Variants in CREB3L1 observed in about 807,000 individuals in gnomAD.
The protein encoded by CREB3L1 is cyclic AMP-responsive element-binding protein 3-like protein 1.
CREB3L1 carries 33 observed loss-of-function variants against 54.5 expected under a neutral mutation model. That is an observed-to-expected ratio of 0.61 (90% CI 0.46 to 0.81). The LOEUF (loss-of-function observed/expected upper bound fraction) is 0.81. Among genes scored for constraint, CREB3L1 ranks in the 30% least tolerant of loss-of-function variants. The pLI is 0.00. For missense variants in CREB3L1, 656 were observed against 673.3 expected, an observed-to-expected ratio of 0.97 and a Z score of 0.29; for synonymous variants, 284 against 286.4, an observed-to-expected ratio of 0.99 and a Z score of 0.08.
chr11:46,316,615 G>A (rs1303146311), intron 9 of CREB3L1, among the ~76,000 whole-genome samples: 1 of 150,522 alleles, frequency 6.6e-6, no homozygotes, highest in African/African-American at 2.5e-5. Flanking sequence ...CAGTGTAGAT[G>A]TGTAGGTGAC....
intron 10 of CREB3L1, among the ~76,000 whole-genome samples, chr11:46,320,005 C>T (rs1939623058): frequency 6.6e-6 from 1 of 152,144 alleles, no homozygotes; most frequent in Non-Finnish European, 1.5e-5. Context: ...AACACAGTTT[C>T]AATCACTTCC....
At position 46,311,196 on chromosome 11, in the gene CREB3L1, A is replaced by G; in HGVS notation, c.753+7A>G. 6.4e-7 allele frequency: 1 copy of G among 1,565,358 alleles called. No individual in the cohort carries two copies. Among genetic ancestry groups the G allele is most frequent in the Middle Eastern group, 1.7e-4 (1 of 5,910 alleles). ...ACTCCTCACTGCCCCTCACGTAAGGAGCTGGGGGTGGGCTGATCCCAGAAA... is the reference window on the plus strand; with the variant it reads ...ACTCCTCACTGCCCCTCACGTAAGGGGCTGGGGGTGGGCTGATCCCAGAAA... On this transcript the variant is annotated splice_region_variant and intron_variant, in intron 5 of 11. Transcript: ENST00000621158.
In CREB3L1 at chr11:46,311,107, C is replaced by G; in HGVS notation, c.671C>G (p.Ser224Cys). Residue 224 changes from serine to cysteine, a missense_variant, in exon 5 of 12, where the codon TCT (serine) becomes TGT (cysteine). Around this residue, in one of 3 missense-constraint regions of CREB3L1, gnomAD observed 339 missense variants for 331.5 expected, o/e 1.02. Transcript: ENST00000621158. ...AGCGACGGCTCCCAGAGTCCCCGCT[C>G]TCTGCCCCCCTCCAGCCCTGTCAGG... ...SDSDGSQSPRSLPPSSPVRPM... is the reference protein window; with the variant it reads ...SDSDGSQSPRCLPPSSPVRPM... The G allele has an allele frequency of 6.2e-7, 1 of 1,608,388 alleles. No homozygotes were observed. The highest frequency in any genetic ancestry group is 8.5e-7 in the Non-Finnish European group (1 of 1,179,220).
chr11:46,287,475 T>A (rs1289387338), intron 1 of CREB3L1, among the ~76,000 whole-genome samples: 1 of 151,994 alleles, frequency 6.6e-6, no homozygotes, highest in Non-Finnish European at 1.5e-5. Flanking sequence ...ATTTTTTGTA[T>A]TTTTTGTAAA....
chr11:46,296,078 C>T (rs1025196123), intron 1 of CREB3L1, among the ~76,000 whole-genome samples: 3 of 152,260 alleles, frequency 2.0e-5, no homozygotes, highest in Admixed American at 6.5e-5. Flanking sequence ...AGAACCCTGT[C>T]GCCCTCAGAG....
intron 10 of CREB3L1, 86 bp downstream of exon 10, chr11:46,317,573 G>C: frequency 6.5e-7 from 1 of 1,530,094 alleles, no homozygotes; most frequent in Non-Finnish European, 8.8e-7. Context: ...AGACATAAGA[G>C]AGAAGCCAAG....
intron 2 of CREB3L1, among the ~76,000 whole-genome samples, chr11:46,305,492 T>C (rs1482867534): frequency 6.6e-6 from 1 of 151,718 alleles, no homozygotes; most frequent in Non-Finnish European, 1.5e-5. Context: ...CTGGCCGATT[T>C]CAACACTTCC....
chr11:46,305,532 C>T (rs1182690544), intron 2 of CREB3L1, among the ~76,000 whole-genome samples: 2 of 151,324 alleles, frequency 1.3e-5, no homozygotes, highest in African/African-American at 4.9e-5. Flanking sequence ...ATCTTGCCTG[C>T]AGCCAGTCTA....
chr11:46,315,207 G>A (rs553854209), intron 8 of CREB3L1: 5 of 331,366 alleles, frequency 1.5e-5, no homozygotes, highest in South Asian at 1.4e-4. Context: ...TCTGTTCCCT[G>A]ATTGGCCTGG....
intron 1 of CREB3L1, among the ~76,000 whole-genome samples, chr11:46,294,729 C>T (rs1939178819): frequency 6.6e-6 from 1 of 152,128 alleles, no homozygotes; most frequent in Non-Finnish European, 1.5e-5. Context: ...TCTCACCACT[C>T]CCCGCCCCCT....
chr11:46,299,796 T>C, intron 1 of CREB3L1, 139 bp from the exon 2 acceptor site: 1 of 664,432 alleles, frequency 1.5e-6, no homozygotes, highest in Non-Finnish European at 2.8e-6. Flanking sequence ...TTGCTGATAT[T>C]AATGGGAATG....
rs1293720841 is a variant in CREB3L1 at position 46,316,339 on chromosome 11, C to T, written c.1085C>T (p.Ser362Phe). ...KLQTLVTNKI[S>F]RPYKMAATQT... ...CAGACTCTGGTCACCAACAAGATCT[C>T]CAGACCTTACAAGATGGCCGCCACC... Residue 362 changes from serine to phenylalanine, a missense_variant, in exon 9 of 12, where the codon TCC becomes TTC. Ser to Phe is a radical substitution (Grantham distance 155, BLOSUM62 -2). This residue lies in a region of CREB3L1 where 240 missense variants were observed against 219.8 expected (regional missense o/e 1.09). Transcript: ENST00000621158. The T allele has an allele frequency of 7.0e-6, 11 of 1,575,746 alleles. No individual in the cohort carries two copies. Among genetic ancestry groups the T allele is most frequent in the Non-Finnish European group, 9.5e-6 (11 of 1,160,966 alleles).
At chr11:46,319,570 G>T (rs1939616858) in intron 10 of CREB3L1, among the ~76,000 whole-genome samples, 2 of 152,122 alleles carry the variant, frequency 1.3e-5, no homozygotes, top group African/African-American at 4.8e-5. Flanking sequence ...CTTATTCCAG[G>T]TCTCACAGAA....
chr11:46,314,360 T>C (rs1020317880), intron 8 of CREB3L1, among the ~76,000 whole-genome samples: 1 of 152,134 alleles, frequency 6.6e-6, no homozygotes. Flanking sequence ...GCAATTCATG[T>C]TAGCTTTTAT....
chr11:46,316,048 G>T, intron 8 of CREB3L1: 2 of 433,430 alleles, frequency 4.6e-6, no homozygotes, highest in South Asian at 3.8e-5. Flanking sequence ...CCTTGGCCAG[G>T]AGCATCACAG....
chr11:46,278,156 C>T lies in CREB3L1; in HGVS notation c.45C>T (p.Pro15=). ...CCTTCCCGGCCGACAGGCTGTTCCCCGGATCCAGCTTCCTGGACTTGGGGG... is the reference window on the plus strand; with the variant it reads ...CCTTCCCGGCCGACAGGCTGTTCCCTGGATCCAGCTTCCTGGACTTGGGGG... ...LEPFPADRLF[P]GSSFLDLGDL... The change falls in exon 1 of 12, where the codon CCC becomes CCT. Residue 15 remains proline, a synonymous_variant. Transcript: ENST00000621158. This position sits in a 1 kb window ranked among gnomAD's most constrained non-coding sequence, Gnocchi z 4.2. 2.5e-6 allele frequency: 4 copies of T among 1,574,362 alleles called. No homozygotes were observed. Among genetic ancestry groups the T allele is most frequent in the East Asian group, 2.4e-5 (1 of 42,294 alleles).
At chr11:46,280,699 A>T (rs1938957028) in intron 1 of CREB3L1, among the ~76,000 whole-genome samples, 2 of 152,254 alleles carry the variant, frequency 1.3e-5, no homozygotes, top group Admixed American at 1.3e-4. Context: ...TTGCTGTGTG[A>T]ACATAGCAAG....
At chr11:46,280,425 C>T (rs1408619367) in intron 1 of CREB3L1, among the ~76,000 whole-genome samples, 2 of 151,980 alleles carry the variant, frequency 1.3e-5, no homozygotes, top group Non-Finnish European at 2.9e-5. Context: ...CTCCTGACCT[C>T]GTGATCCACC....
chr11:46,306,880 T>TC (rs1491541199), intron 2 of CREB3L1, among the ~76,000 whole-genome samples: 5 of 136,136 alleles, frequency 3.7e-5, no homozygotes, highest in Admixed American at 7.2e-5. Context: ...ATTCTCTCTC[T>TC]TTTTTTTTTT....
Sources: gnomAD v4.1 joint callset for allele counts (sites outside exome capture counted in the v4.1 genomes callset) on GRCh38, gnomAD v4.1.1 for gene constraint, gnomAD v4.1.1 regional missense constraint, Gnocchi (gnomAD v3.1) non-coding constraint, MANE v1.5 for transcripts, NCBI Gene and HGNC (gene_info 2026-07-23, HGNC 2026-07-21) for gene names.